The following PPM1H variants were observed in gnomAD, a reference collection of about 807,000 sequenced individuals.
The protein encoded by PPM1H is protein phosphatase, Mg2+/Mn2+ dependent 1H.
PPM1H carries 27 observed loss-of-function variants against 54.9 expected under a neutral mutation model. That is an observed-to-expected ratio of 0.49 (90% CI 0.36 to 0.68). PPM1H has a LOEUF of 0.68. Ranked by LOEUF, PPM1H falls within the 30% of genes least tolerant of loss-of-function variation. The probability of loss-of-function intolerance (pLI) is 0.00; values close to 1 mark genes in which losing one functional copy is unlikely to be tolerated. For synonymous variants in PPM1H, 305 were observed against 270.8 expected (o/e 1.13, Z -1.24); for missense variants, 596 against 667.8 (o/e 0.89, Z 1.19).
chr12:62,663,923 G>A (rs1255190403), intron 9 of PPM1H, among the ~76,000 whole-genome samples: 9 of 152,122 alleles, frequency 5.9e-5, no homozygotes, highest in Admixed American at 2.6e-4. Context: ...CCTGGCAGGC[G>A]GAGGTTGCGG....
At chr12:62,657,398 G>A (rs1231611431) in intron 9 of PPM1H, among the ~76,000 whole-genome samples, 1 of 152,140 alleles carries the variant, frequency 6.6e-6, no homozygotes, top group South Asian at 2.1e-4. Flanking sequence ...GGGCCACACA[G>A]CTCTGCCACA....
At chr12:62,659,605 G>T (rs1423333210) in intron 9 of PPM1H, among the ~76,000 whole-genome samples, 1 of 152,154 alleles carries the variant, frequency 6.6e-6, no homozygotes, top group Non-Finnish European at 1.5e-5. Context: ...CTGTCACTAG[G>T]AGGTAAAAGA....
rs977645367 is a variant in PPM1H, at chr12:62,875,659, T to C, written c.246-43380A>G. ...TTCTTTAAAGAAAATTTTCTTTAGA[T>C]AGAAAGGAAGAAATGAACATTGGTA... On this transcript the variant is annotated intron_variant, in intron 1 of 9. Coordinates refer to ENST00000228705, the MANE Select transcript of PPM1H (RefSeq NM_020700.2). 9.9e-5 allele frequency among the ~76,000 whole-genome samples: 15 copies of C among 152,104 alleles called. No individual in the cohort carries two copies. In the East Asian group the frequency reaches 1.9e-3, roughly 20 times the overall value.
intron 2 of PPM1H, among the ~76,000 whole-genome samples, chr12:62,827,561 T>C (rs1868304410): frequency 6.6e-6 from 1 of 152,204 alleles, no homozygotes; most frequent in Non-Finnish European, 1.5e-5. Flanking sequence ...TTATGGTGTA[T>C]GATGACCCTT....
intron 9 of PPM1H, among the ~76,000 whole-genome samples, chr12:62,661,749 T>C (rs1359949987): frequency 6.6e-6 from 1 of 152,198 alleles, no homozygotes; most frequent in African/African-American, 2.4e-5. Context: ...AGAGGAAGTC[T>C]TGCTGTGTTG....
rs199552409 is a variant in PPM1H at position 62,749,963 on chromosome 12, A to G, written c.870-12377T>C. ...AAACATCTTAGTCTACCATTTTGCT[A>G]TACCAGCAACACTCATGAAACCCAG... On this transcript the variant is annotated intron_variant, in intron 4 of 9. Coordinates refer to ENST00000228705, the MANE Select transcript of PPM1H (RefSeq NM_020700.2). Among the ~76,000 whole-genome samples, 3 of 152,330 alleles carry G rather than the reference A, an allele frequency of 2.0e-5. No homozygotes were observed. In the East Asian group the frequency reaches 5.8e-4, roughly 29 times the overall value.
Position 62,934,873 on chromosome 12 carries a change from C to G in PPM1H, c.-137G>C. On this transcript the variant is annotated 5_prime_UTR_variant, in exon 1 of 10. Coordinates refer to ENST00000228705, the MANE Select transcript of PPM1H (RefSeq NM_020700.2). This position sits in a 1 kb window ranked among gnomAD's most constrained non-coding sequence, Gnocchi z 4.2. ...CCACTGGGACGCGCCGCGCGCGGCT[C>G]CCAGAGCCTAGTGCTGCAGGGGGCC... 1.1e-6 allele frequency: 1 copy of G among 873,028 alleles called. No individual in the cohort carries two copies. Among genetic ancestry groups the G allele is most frequent in the Non-Finnish European group, 1.5e-6 (1 of 668,168 alleles). 54.1% of individuals were successfully genotyped at this position (873,028 alleles called of 1,614,324 possible).
chr12:62,752,046 T>C lies in PPM1H; in HGVS notation c.870-14460A>G, dbSNP rs571228178. Among the ~76,000 whole-genome samples the C allele has an allele frequency of 7.2e-5, 11 of 152,252 alleles. No individual in the cohort carries two copies. The South Asian group carries it at 1.0e-3, about 14-fold the overall frequency. Reference sequence around the variant, plus strand: ...GTTGAACATAACCCATTAAGTTGGGTTTGGGAGCTGGCTGTGGTGAAATGA... The same window carrying C: ...GTTGAACATAACCCATTAAGTTGGGCTTGGGAGCTGGCTGTGGTGAAATGA... On this transcript the variant is annotated intron_variant, in intron 4 of 9. Coordinates refer to ENST00000228705, the MANE Select transcript of PPM1H (RefSeq NM_020700.2).
intron 4 of PPM1H, chr12:62,755,623 G>A: frequency 3.1e-6 from 2 of 653,972 alleles, no homozygotes; most frequent in Middle Eastern, 6.5e-4. Flanking sequence ...GTCTGTGATG[G>A]GCATGAAGCA....
intron 1 of PPM1H, among the ~76,000 whole-genome samples, chr12:62,900,398 AG>A (rs1871131346): frequency 7.0e-6 from 1 of 142,672 alleles, no homozygotes; most frequent in Admixed American, 6.9e-5. Flanking sequence ...GGGGTGGGGT[AG>A]GGGGGAGGGA....
At position 62,763,233 on chromosome 12, in the gene PPM1H, G is replaced by A. The variant is rs182474848; in HGVS notation, c.869+24993C>T. Among the ~76,000 whole-genome samples the A allele has an allele frequency of 7.2e-5, 11 of 152,278 alleles. No homozygotes were observed. The East Asian group carries it at 7.7e-4, about 11-fold the overall frequency. Reference sequence around the variant, plus strand: ...CTGTTTGGGTGGAATCAGGCGGACCGGGGTTGAGTGCTGGCCTTTCCACTT... The same window carrying A: ...CTGTTTGGGTGGAATCAGGCGGACCAGGGTTGAGTGCTGGCCTTTCCACTT... On this transcript the variant is annotated intron_variant, in intron 4 of 9. Transcript: ENST00000228705.
chr12:62,659,269 C>CAAAAAA (rs11349692), intron 9 of PPM1H: 4,223 of 91,336 alleles, frequency 0.046, 126 homozygotes, highest in East Asian at 0.071. Flanking sequence ...GTAAAAACTG[C>CAAAAAA]AAAAAAAAAA....
At chr12:62,929,901 T>C (rs1872080407) in intron 1 of PPM1H, among the ~76,000 whole-genome samples, 1 of 151,936 alleles carries the variant, frequency 6.6e-6, no homozygotes, top group African/African-American at 2.4e-5. Context: ...TACATAAGAG[T>C]AGAGAACCTC....
chr12:62,928,922 C>T (rs1872050895), intron 1 of PPM1H, among the ~76,000 whole-genome samples: 2 of 152,174 alleles, frequency 1.3e-5, no homozygotes, highest in African/African-American at 4.8e-5. Context: ...AAGTCTTCCC[C>T]AGCATTGTAA....
intron 3 of PPM1H, among the ~76,000 whole-genome samples, chr12:62,800,960 C>T (rs191045963): frequency 1.3e-5 from 2 of 152,344 alleles, no homozygotes; most frequent in Non-Finnish European, 2.9e-5. Context: ...CAGACCCATT[C>T]AGATGGAAAC....
Position 62,838,717 on chromosome 12 carries a change from C to T in PPM1H, c.246-6438G>A, listed in dbSNP as rs1432685468. On this transcript the variant is annotated intron_variant, in intron 1 of 9. Transcript: ENST00000228705. The stretch of plus-strand genomic sequence containing the variant: ...CGGGCGGATCACGAGGTCAGGAGAT[C>T]GAGACCATCCTGGCTAACACGGTGA... Among the ~76,000 whole-genome samples, 42 of 103,304 alleles carry T rather than the reference C, an allele frequency of 4.1e-4. 1 individual carries two copies. Among genetic ancestry groups the T allele is most frequent in the Non-Finnish European group, 2.0e-5 (1 of 50,710 alleles). The allele number at this position is 103,304 out of a possible 152,430, so 67.8% of individuals were successfully genotyped here. A position where few individuals can be genotyped will look rare whatever the true frequency, so the allele number is the denominator to read the frequency against.
intron 8 of PPM1H, among the ~76,000 whole-genome samples, chr12:62,685,354 A>G (rs1267685542): frequency 1.3e-5 from 2 of 152,178 alleles, no homozygotes; most frequent in African/African-American, 4.8e-5. Context: ...ATGCACCCTC[A>G]TCAGAGCCCC....
chr12:62,665,943 T>C (rs933675818), intron 9 of PPM1H, among the ~76,000 whole-genome samples: 3 of 152,148 alleles, frequency 2.0e-5, no homozygotes, highest in Non-Finnish European at 2.9e-5. Context: ...TTCCCAGGCT[T>C]GTCTTAAACT....
At chr12:62,863,136 T>C (rs1022820428) in intron 1 of PPM1H, among the ~76,000 whole-genome samples, 13 of 151,788 alleles carry the variant, frequency 8.6e-5, no homozygotes, top group Admixed American at 8.5e-4. Context: ...TCCTTCCACC[T>C]CAGCCTCCAG....
Sources: gnomAD v4.1 joint callset for allele counts (sites outside exome capture counted in the v4.1 genomes callset) on GRCh38, gnomAD v4.1.1 for gene constraint, Gnocchi (gnomAD v3.1) non-coding constraint, MANE v1.5 for transcripts, NCBI Gene and HGNC (gene_info 2026-07-23, HGNC 2026-07-21) for gene names.